Variants in C1orf94 observed in about 807,000 individuals in gnomAD.
The protein encoded by C1orf94 is chromosome 1 open reading frame 94, also known as uncharacterized protein C1orf94.
In C1orf94, 45 loss-of-function variants were observed where a neutral mutation model predicts 53.6. That is an observed-to-expected ratio of 0.84 (90% CI 0.66 to 1.08). C1orf94 has a LOEUF of 1.08. Ranked by LOEUF, C1orf94 falls within the 50% of genes least tolerant of loss-of-function variation. C1orf94 has a pLI of 0.00. For missense variants in C1orf94, 762 were observed against 738.9 expected (o/e 1.03, Z -0.36); for synonymous variants, 304 against 296.1 (o/e 1.03, Z -0.27).
At chr1:34,199,675 C>T (rs1642664308) in intron 2 of C1orf94, among the ~76,000 whole-genome samples, 1 of 152,224 alleles carries the variant, frequency 6.6e-6, no homozygotes, top group Non-Finnish European at 1.5e-5. Context: ...AGGTTTCCCA[C>T]CACTGCTGTG....
chr1:34,171,028 G>C (rs1248935954), intron 1 of C1orf94, among the ~76,000 whole-genome samples: 1 of 152,148 alleles, frequency 6.6e-6, no homozygotes, highest in Non-Finnish European at 1.5e-5. Flanking sequence ...TCTGCCACCA[G>C]CTATCTTTTT....
intron 1 of C1orf94, among the ~76,000 whole-genome samples, chr1:34,184,990 G>A (rs1557478515): frequency 6.6e-6 from 1 of 152,124 alleles, no homozygotes; most frequent in East Asian, 1.9e-4. Flanking sequence ...TTCTCCTCTT[G>A]GAGGGGTCAA....
At chr1:34,167,406 C>T (rs372151778) in intron 1 of C1orf94, among the ~76,000 whole-genome samples, 4 of 152,232 alleles carry the variant, frequency 2.6e-5, no homozygotes, top group African/African-American at 4.8e-5. Flanking sequence ...CTCTTCTCAG[C>T]TCCAGAACTT....
intron 1 of C1orf94, among the ~76,000 whole-genome samples, chr1:34,194,134 A>C (rs768511485): frequency 2.8e-4 from 43 of 152,216 alleles, no homozygotes; most frequent in Non-Finnish European, 5.3e-4. Flanking sequence ...CTGTGAGGAA[A>C]AGTTGTGCAG....
intron 1 of C1orf94, among the ~76,000 whole-genome samples, chr1:34,182,888 G>A (rs963152828): frequency 1.3e-5 from 2 of 152,172 alleles, no homozygotes; most frequent in African/African-American, 4.8e-5. Context: ...GCAAAAGGGT[G>A]TAGAGAAGCT....
intron 1 of C1orf94, among the ~76,000 whole-genome samples, chr1:34,186,690 A>G (rs910675673): frequency 2.0e-5 from 3 of 152,222 alleles, no homozygotes; most frequent in African/African-American, 7.2e-5. Flanking sequence ...AATCTGTTTA[A>G]AATCAGCTCT....
At position 34,178,035 on chromosome 1, in the gene C1orf94, C is replaced by T; in HGVS notation, c.246C>T (p.Pro82=). ...AAGGCCTGCCTGAGGCCTCACAGCC[C>T]TGGACCTCCATGGAGCAGCTCTCTG... ...RVQGLPEASQ[P]WTSMEQLSVP... The change falls in exon 1 of 7, where the codon CCC becomes CCT. Residue 82 remains proline (P), a synonymous_variant. Transcript: ENST00000488417. 1.3e-6 allele frequency: 2 copies of T among 1,551,714 alleles called. No individual in the cohort carries two copies. The highest frequency in any genetic ancestry group is 8.7e-7 in the Non-Finnish European group (1 of 1,146,990).
chr1:34,204,952 C>G (rs297806), intron 4 of C1orf94, among the ~76,000 whole-genome samples: 5,857 of 152,266 alleles, frequency 0.038, 276 homozygotes, highest in African/African-American at 0.11. Context: ...ATCTCCACCT[C>G]TAAAGGGGAA....
At chr1:34,185,800 G>A (rs1191520088) in intron 1 of C1orf94, among the ~76,000 whole-genome samples, 1 of 152,172 alleles carries the variant, frequency 6.6e-6, no homozygotes, top group Non-Finnish European at 1.5e-5. Flanking sequence ...CTCATGGCTC[G>A]CCTTGTCCTC....
intron 6 of C1orf94, among the ~76,000 whole-genome samples, chr1:34,216,760 T>G (rs191779703): frequency 2.3e-3 from 347 of 152,126 alleles, no homozygotes; most frequent in Non-Finnish European, 2.6e-3. Context: ...AATAATAAAT[T>G]TGAGAGTTAA....
At chr1:34,184,826 T>G (rs557377793) in intron 1 of C1orf94, among the ~76,000 whole-genome samples, 2 of 152,128 alleles carry the variant, frequency 1.3e-5, no homozygotes, top group African/African-American at 2.4e-5. Flanking sequence ...CCTCTTTTGT[T>G]TTTTTTGGTT....
intron 6 of C1orf94, among the ~76,000 whole-genome samples, chr1:34,213,293 T>A (rs965814557): frequency 8.5e-5 from 13 of 152,312 alleles, no homozygotes; most frequent in Admixed American, 8.5e-4. Flanking sequence ...TGCCGACCCA[T>A]GTCCCCAAAC....
At chr1:34,183,725 A>G (rs1642344056) in intron 1 of C1orf94, among the ~76,000 whole-genome samples, 1 of 152,050 alleles carries the variant, frequency 6.6e-6, no homozygotes, top group Admixed American at 6.5e-5. Context: ...GCGTGGTGGC[A>G]GGTGCCTATA....
chr1:34,211,456 G>C (rs297790), intron 5 of C1orf94, among the ~76,000 whole-genome samples: 25 of 152,044 alleles, frequency 1.6e-4, no homozygotes, highest in Non-Finnish European at 2.8e-4. Context: ...GGGCAATCTC[G>C]GAAGCACCAC....
At chr1:34,202,778 T>C (rs1439285276) in intron 4 of C1orf94, among the ~76,000 whole-genome samples, 1 of 152,214 alleles carries the variant, frequency 6.6e-6, no homozygotes, top group African/African-American at 2.4e-5. Context: ...CTCTCAAGTG[T>C]CCTGGTTTGG....
At chr1:34,207,267 GT>G in intron 4 of C1orf94, among the ~76,000 whole-genome samples, 1 of 9,780 alleles carries the variant, frequency 1.0e-4, no homozygotes, top group Non-Finnish European at 2.6e-4. Flanking sequence ...TGCGGGGTGT[GT>G]GTGTGTGTGT....
chr1:34,201,703 A>G (rs974446733), intron 3 of C1orf94, among the ~76,000 whole-genome samples: 2 of 152,224 alleles, frequency 1.3e-5, no homozygotes, highest in East Asian at 3.8e-4. Context: ...ATGAATTCCA[A>G]TGGCATAGCA....
chr1:34,183,343 G>A (rs1216809084), intron 1 of C1orf94, among the ~76,000 whole-genome samples: 1 of 152,200 alleles, frequency 6.6e-6, no homozygotes, highest in Non-Finnish European at 1.5e-5. Flanking sequence ...TCAGAATGAG[G>A]TCTTTGGATT....
At chr1:34,181,858 G>A (rs1642315720) in intron 1 of C1orf94, among the ~76,000 whole-genome samples, 1 of 152,186 alleles carries the variant, frequency 6.6e-6, no homozygotes, top group Non-Finnish European at 1.5e-5. Context: ...GTTCTAAGAA[G>A]GAGCCAGTCA....
Sources: gnomAD v4.1 joint callset for allele counts (sites outside exome capture counted in the v4.1 genomes callset) on GRCh38, gnomAD v4.1.1 for gene constraint, MANE v1.5 for transcripts, NCBI Gene and HGNC (gene_info 2026-07-23, HGNC 2026-07-21) for gene names.